The following GFRA2 variants were observed in gnomAD, a reference collection of about 807,000 sequenced individuals.
GFRA2 encodes the protein GDNF family receptor alpha 2.
Under a neutral mutation model 48.3 loss-of-function variants are expected in GFRA2, and 17 were observed. The ratio of observed to expected loss-of-function variants is 0.35; its 90% CI spans 0.24 to 0.53. The LOEUF (loss-of-function observed/expected upper bound fraction) is 0.53, where lower values mean the gene tolerates loss of function less well. Among genes scored for constraint, GFRA2 ranks in the 20% least tolerant of loss-of-function variants. The pLI, the probability that GFRA2 is intolerant of heterozygous loss-of-function variation, is 0.93. For synonymous variants in GFRA2, 305 were observed against 257.2 expected (o/e 1.19, Z -1.78); for missense variants, 660 against 637.3 (o/e 1.04, Z -0.38).
chr8:21,709,549 G>GC (rs1802911692), intron 4 of GFRA2, among the ~76,000 whole-genome samples: 1 of 152,186 alleles, frequency 6.6e-6, no homozygotes, highest in East Asian at 1.9e-4. Context: ...AAGCGTGGAC[G>GC]CAACATCAGA....
At chr8:21,714,566 T>TA (rs1803241422) in intron 4 of GFRA2, among the ~76,000 whole-genome samples, 1 of 152,080 alleles carries the variant, frequency 6.6e-6, no homozygotes, top group Non-Finnish European at 1.5e-5. Flanking sequence ...TGATACCTGT[T>TA]ATGTCACTTC....
At chr8:21,711,557 G>A (rs1312979404) in intron 4 of GFRA2, among the ~76,000 whole-genome samples, 1 of 152,182 alleles carries the variant, frequency 6.6e-6, no homozygotes, top group Non-Finnish European at 1.5e-5. Flanking sequence ...TTGACCCCCA[G>A]TTGGATGAAA....
chr8:21,778,798 G>A (rs1185069904), intron 2 of GFRA2, among the ~76,000 whole-genome samples: 3 of 151,842 alleles, frequency 2.0e-5, no homozygotes, highest in African/African-American at 7.3e-5. Flanking sequence ...GAGGCAGAAG[G>A]GTCACTTCAG....
chr8:21,798,900 T>G (rs1807722883), intron 2 of GFRA2, among the ~76,000 whole-genome samples: 2 of 152,240 alleles, frequency 1.3e-5, no homozygotes, highest in African/African-American at 4.8e-5. Flanking sequence ...TGCACTCTGT[T>G]GAAGTCTCCC....
At chr8:21,726,792 G>T (rs1354340087) in intron 4 of GFRA2, among the ~76,000 whole-genome samples, 1 of 146,630 alleles carries the variant, frequency 6.8e-6, no homozygotes, top group Middle Eastern at 3.5e-3. Context: ...TCACTCTGTG[G>T]CCCAGGCTGG....
intron 4 of GFRA2, among the ~76,000 whole-genome samples, chr8:21,749,239 C>CAA (rs1349224127): frequency 9.8e-4 from 116 of 117,988 alleles, no homozygotes; most frequent in Middle Eastern, 4.5e-3. Flanking sequence ...CCTCCCCCTG[C>CAA]AAAAAAAAAA....
At chr8:21,783,632 C>T (rs986520555) in intron 1 of GFRA2, among the ~76,000 whole-genome samples, 1 of 152,062 alleles carries the variant, frequency 6.6e-6, no homozygotes, top group African/African-American at 2.4e-5. Context: ...CCCTTTCCCC[C>T]CTCACCCCTC....
At chr8:21,726,661 C>T (rs1452673467) in intron 4 of GFRA2, among the ~76,000 whole-genome samples, 1 of 152,118 alleles carries the variant, frequency 6.6e-6, no homozygotes, top group African/African-American at 2.4e-5. Flanking sequence ...CTCTGTGTGT[C>T]CTCCTGTCTT....
At chr8:21,800,698 G>C (rs900682790) in intron 2 of GFRA2, among the ~76,000 whole-genome samples, 4 of 152,240 alleles carry the variant, frequency 2.6e-5, no homozygotes, top group African/African-American at 9.6e-5. Flanking sequence ...GCCAAGGCAG[G>C]AGGATGGCTT....
intron 4 of GFRA2, among the ~76,000 whole-genome samples, chr8:21,725,201 A>T (rs1226865483): frequency 1.3e-5 from 2 of 152,264 alleles, no homozygotes; most frequent in Non-Finnish European, 2.9e-5. Flanking sequence ...TCCCAAGAAG[A>T]TTCCTGACTT....
In GFRA2 at chr8:21,788,772, G is replaced by T. The variant is rs1199327376; in HGVS notation, c.-613C>A. On this transcript the variant is annotated 5_prime_UTR_variant, in exon 1 of 9. Transcript: ENST00000524240. ...TTGCTCGGCTCACTTTTTTCTAATG[G>T]AATTCCAGTGACCGTGTGTCTCTGC... 9.1e-6 allele frequency: 9 copies of T among 985,246 alleles called. No homozygotes were observed. Among genetic ancestry groups the T allele is most frequent in the Non-Finnish European group, 1.1e-5 (9 of 829,952 alleles). The allele number at this position is 985,246 out of a possible 1,614,324, so 61.0% of individuals were successfully genotyped here.
intron 4 of GFRA2, among the ~76,000 whole-genome samples, chr8:21,709,459 G>A (rs1014302239): frequency 2.0e-5 from 3 of 152,230 alleles, no homozygotes; most frequent in Non-Finnish European, 2.9e-5. Context: ...CCTCTGGGCA[G>A]GTGTAGATAG....
At chr8:21,809,426 G>A (rs1284022772) in intron 1 of GFRA2, among the ~76,000 whole-genome samples, 24 of 152,292 alleles carry the variant, frequency 1.6e-4, no homozygotes, top group African/African-American at 4.3e-4. Flanking sequence ...CCAGGTTCAC[G>A]CCATTCTCCT....
Position 21,788,355 on chromosome 8 carries a change from G to A in GFRA2, c.-196C>T. The A allele has an allele frequency of 1.5e-6, 2 of 1,349,940 alleles. No individual in the cohort carries two copies. Among genetic ancestry groups the A allele is most frequent in the Non-Finnish European group, 9.5e-7 (1 of 1,056,214 alleles). 83.6% of individuals were successfully genotyped at this position (1,349,940 alleles called of 1,614,324 possible). A position where few individuals can be genotyped will look rare whatever the true frequency, so the allele number is the denominator to read the frequency against. ...GGCTGGAGGGGGTGGGGTGAGAGGCGGGCGATGGGCTGCTGCCTCTCGACG... is the reference window on the plus strand; with the variant it reads ...GGCTGGAGGGGGTGGGGTGAGAGGCAGGCGATGGGCTGCTGCCTCTCGACG... On this transcript the variant is annotated 5_prime_UTR_variant, in exon 1 of 9. Coordinates refer to ENST00000524240, the MANE Select transcript of GFRA2 (RefSeq NM_001495.5).
rs367674340 is a variant in GFRA2, at chr8:21,752,966, C to G, written c.440-2024G>C. Among the ~76,000 whole-genome samples the G allele has an allele frequency of 1.4e-4, 22 of 152,270 alleles. 1 individual carries two copies. The highest frequency in any genetic ancestry group is 1.0e-3 in the South Asian group (5 of 4,822). The stretch of plus-strand genomic sequence containing the variant: ...CCACCGACACTGTGCCTGTTAAGAG[C>G]CTCCTTCTCCCAGCCTCCTGCTTTG... On this transcript the variant is annotated intron_variant, in intron 3 of 8. Transcript: ENST00000524240.
At chr8:21,735,482 G>A (rs995544866) in intron 4 of GFRA2, among the ~76,000 whole-genome samples, 5 of 152,110 alleles carry the variant, frequency 3.3e-5, no homozygotes, top group Non-Finnish European at 5.9e-5. Flanking sequence ...GAGTGCTTGG[G>A]CCAGTAGGCA....
Position 21,693,408 on chromosome 8 carries a change from C to T in GFRA2, c.1273-8G>A, listed in dbSNP as rs374574719. The T allele has an allele frequency of 2.3e-5, 37 of 1,600,806 alleles. No homozygotes were observed. The highest frequency in any genetic ancestry group is 1.7e-4 in the Middle Eastern group (1 of 6,044). Reference sequence around the variant, plus strand: ...GATGATATTTGTCGTGAGCTGAGTCCGCAGCAGGAGAAGAATCAGGAACAA... The same window carrying T: ...GATGATATTTGTCGTGAGCTGAGTCTGCAGCAGGAGAAGAATCAGGAACAA... On this transcript the variant is annotated splice_polypyrimidine_tract_variant and splice_region_variant and intron_variant, in intron 8 of 8. Transcript: ENST00000524240.
rs1054140729 is a variant in GFRA2, at chr8:21,742,691, C to T, written c.794+7897G>A. Among the ~76,000 whole-genome samples, 5 of 152,286 alleles carry T rather than the reference C, an allele frequency of 3.3e-5. No individual in the cohort carries two copies. In the East Asian group the frequency reaches 9.6e-4, roughly 29 times the overall value. On this transcript the variant is annotated intron_variant, in intron 4 of 8. Coordinates refer to ENST00000524240, the MANE Select transcript of GFRA2 (RefSeq NM_001495.5). Reference sequence around the variant, plus strand: ...AACACACGCCCAGTTGTAGGTGAGGCCTCTGGTACAAACAAACTATGCTGG... The same window carrying T: ...AACACACGCCCAGTTGTAGGTGAGGTCTCTGGTACAAACAAACTATGCTGG...
At chr8:21,805,788 G>A (rs1242663783) in intron 1 of GFRA2, among the ~76,000 whole-genome samples, 3 of 152,158 alleles carry the variant, frequency 2.0e-5, no homozygotes, top group Non-Finnish European at 4.4e-5. Flanking sequence ...TGACTTGCCA[G>A]GTTAATAATT....
Sources: allele counts gnomAD v4.1 joint callset (sites outside exome capture counted in the v4.1 genomes callset), GRCh38; gene constraint gnomAD v4.1.1; transcripts MANE v1.5; gene names NCBI Gene and HGNC (gene_info 2026-07-23, HGNC 2026-07-21).